The following ITPR2 variants were observed in gnomAD, a reference collection of about 807,000 sequenced individuals.
ITPR2 encodes inositol 1,4,5-trisphosphate-gated calcium channel ITPR2.
In ITPR2, 207 loss-of-function variants were observed where a neutral mutation model predicts 317.1. The observed-to-expected ratio is 0.65, with a 90% CI of 0.58 to 0.73. ITPR2 has a LOEUF of 0.73. Among genes scored for constraint, ITPR2 ranks in the 30% least tolerant of loss-of-function variants. The probability of loss-of-function intolerance (pLI) is 0.00; values close to 1 mark genes in which losing one functional copy is unlikely to be tolerated. For synonymous variants in ITPR2, 1,156 were observed against 1,149.1 expected, an observed-to-expected ratio of 1.01 and a Z score of -0.12; for missense variants, 2,613 against 3,284.0, an observed-to-expected ratio of 0.80 and a Z score of 4.99.
Position 26,622,307 on chromosome 12 carries a change from G to A in ITPR2, c.3221C>T (p.Ser1074Phe), listed in dbSNP as rs932760011. The change falls in exon 25 of 57, where the codon TCT becomes TTT. Residue 1074 changes from serine (S) to phenylalanine (F), a missense_variant. Around this residue, in one of 9 missense-constraint regions of ITPR2, gnomAD observed 817 missense variants for 897.6 expected, o/e 0.91. Transcript: ENST00000381340. Reference sequence around the variant, plus strand: ...CTTAAACAACAGCTGCAGGGCTCCAGACAGCAAAGGCGGGTAGTCGTGCAT... The same window carrying A: ...CTTAAACAACAGCTGCAGGGCTCCAAACAGCAAAGGCGGGTAGTCGTGCAT... ...LIMHDYPPLL[S>F]GALQLLFKHF... is the part of the protein sequence containing the mutation. 5 of 1,614,026 alleles carry A rather than the reference G, an allele frequency of 3.1e-6. No individual in the cohort carries two copies. The highest frequency in any genetic ancestry group is 1.7e-5 in the Admixed American group (1 of 60,022).
At chr12:26,603,416 G>T (rs1474396995) in intron 26 of ITPR2, among the ~76,000 whole-genome samples, 1 of 151,998 alleles carries the variant, frequency 6.6e-6, no homozygotes, top group Non-Finnish European at 1.5e-5. Flanking sequence ...TCAACTACTG[G>T]CGTCACCTTA....
intron 55 of ITPR2, among the ~76,000 whole-genome samples, chr12:26,358,022 G>A (rs930437756): frequency 1.3e-5 from 2 of 152,240 alleles, no homozygotes; most frequent in Non-Finnish European, 2.9e-5. Flanking sequence ...CCAGAAACCT[G>A]CAGCTATGTA....
chr12:26,439,688 C>T (rs979993008), intron 46 of ITPR2, among the ~76,000 whole-genome samples: 6 of 152,142 alleles, frequency 3.9e-5, no homozygotes, highest in Non-Finnish European at 7.4e-5. Context: ...AAACATAGCG[C>T]TTATGTTATT....
chr12:26,546,545 A>G (rs1324372545), intron 37 of ITPR2, among the ~76,000 whole-genome samples: 3 of 152,220 alleles, frequency 2.0e-5, no homozygotes, highest in African/African-American at 7.2e-5. Context: ...ATTCTTTTGG[A>G]AGAATCTTAA....
At chr12:26,695,674 G>GT in intron 9 of ITPR2, 24 bp from the exon 10 acceptor site, 1 of 1,561,842 alleles carries the variant, frequency 6.4e-7, no homozygotes, top group African/African-American at 1.4e-5. Flanking sequence ...GGAAAATTTA[G>GT]TTTTTCATTG....
chr12:26,633,555 G>A lies in ITPR2; in HGVS notation c.2741-1496C>T, dbSNP rs945747942. Among the ~76,000 whole-genome samples, 11 of 152,282 alleles carry A rather than the reference G, an allele frequency of 7.2e-5. No individual in the cohort carries two copies. In the East Asian group the frequency reaches 1.5e-3, roughly 21 times the overall value. ...ATATATAAGTGTAATTTCCAAGTTC[G>A]GACAAAATTGAGGCAAAAGGATTTG... On this transcript the variant is annotated intron_variant, in intron 21 of 56. Transcript: ENST00000381340.
Position 26,831,685 on chromosome 12 carries a change from TATATATATTCTACATAAAATATATAA to T in ITPR2, c.92+979_92+1004del, listed in dbSNP as rs1565794879. On this transcript the variant is annotated intron_variant, in intron 1 of 56. Transcript: ENST00000381340. This position sits in a 1 kb window ranked among gnomAD's most constrained non-coding sequence, Gnocchi z 4.9. Reference sequence around the variant, plus strand: ...GCACACTGTTTTATATATAAATATATATATATATTCTACATAAAATATATAAATATATATTCTACATAAAATATATA... The same window carrying T: ...GCACACTGTTTTATATATAAATATATATATATATTCTACATAAAATATATA... Among the ~76,000 whole-genome samples the T allele has an allele frequency of 7.1e-4, 103 of 144,234 alleles. No homozygotes were observed. Among genetic ancestry groups the T allele is most frequent in the Non-Finnish European group, 8.9e-4 (59 of 66,022 alleles). 94.6% of individuals were successfully genotyped at this position (144,234 alleles called of 152,430 possible). A position where few individuals can be genotyped will look rare whatever the true frequency, so the allele number is the denominator to read the frequency against.
intron 1 of ITPR2, among the ~76,000 whole-genome samples, chr12:26,819,334 A>G (rs1950904510): frequency 1.3e-5 from 2 of 152,214 alleles, no homozygotes; most frequent in Admixed American, 1.3e-4. Context: ...GCTTAAGGCA[A>G]AGCTCATTAC....
At position 26,556,385 on chromosome 12, in the gene ITPR2, G is replaced by A; in HGVS notation, c.4822-10C>T. ...AGGAGGCCACTACATCCTAGGGAAT[G>A]AAACACAAGAGAACCCACATGAAGG... is the stretch of plus-strand genomic sequence containing the variant. On this transcript the variant is annotated splice_polypyrimidine_tract_variant and intron_variant, in intron 35 of 56. Transcript: ENST00000381340. 1 of 1,606,792 alleles carries A rather than the reference G, an allele frequency of 6.2e-7. No homozygotes were observed. The highest frequency in any genetic ancestry group is 8.5e-7 in the Non-Finnish European group (1 of 1,177,998).
chr12:26,589,311 G>T (rs1242508775), intron 32 of ITPR2, among the ~76,000 whole-genome samples: 1 of 152,020 alleles, frequency 6.6e-6, no homozygotes, highest in Admixed American at 6.6e-5. Flanking sequence ...AACAAGATAA[G>T]AGACAAGGAA....
chr12:26,563,810 T>C (rs559502279), intron 34 of ITPR2, among the ~76,000 whole-genome samples: 2 of 152,266 alleles, frequency 1.3e-5, no homozygotes, highest in East Asian at 3.9e-4. Context: ...GCCCTGTCAT[T>C]TATACAAGAA....
At position 26,832,993 on chromosome 12, in the gene ITPR2, A is replaced by C; in HGVS notation, c.-212T>G. The C allele has an allele frequency of 1.9e-6, 1 of 514,252 alleles. No homozygotes were observed. The highest frequency in any genetic ancestry group is 3.4e-6 in the Non-Finnish European group (1 of 297,154). 31.9% of individuals were successfully genotyped at this position (514,252 alleles called of 1,614,324 possible). ...GACCGGGGCCAAGCCGCAGCTGCGG[A>C]CACCCCGCGAAGAGCGCAGCCCAGG... On this transcript the variant is annotated 5_prime_UTR_variant, in exon 1 of 57. Coordinates refer to ENST00000381340, the MANE Select transcript of ITPR2 (RefSeq NM_002223.4).
rs1431760769 is a variant in ITPR2 at position 26,772,731 on chromosome 12, C to A, written c.163+17426G>T. Among the ~76,000 whole-genome samples the A allele has an allele frequency of 2.0e-5, 3 of 149,724 alleles. No homozygotes were observed. In the Admixed American group the frequency reaches 2.0e-4, roughly 10 times the overall value. ...TAAATCTGCTAAATGTATCCAATAT[C>A]TTTTTTTTTCTTTTTCTTTTTTTAC... On this transcript the variant is annotated intron_variant, in intron 2 of 56. Coordinates refer to ENST00000381340, the MANE Select transcript of ITPR2 (RefSeq NM_002223.4).
At chr12:26,364,261 T>A (rs1440733970) in intron 55 of ITPR2, among the ~76,000 whole-genome samples, 1 of 152,226 alleles carries the variant, frequency 6.6e-6, no homozygotes, top group African/African-American at 2.4e-5. Context: ...TCAGGCAGAC[T>A]ATATTATTTA....
At chr12:26,345,827 C>T (rs1938290563) in intron 55 of ITPR2, among the ~76,000 whole-genome samples, 1 of 152,182 alleles carries the variant, frequency 6.6e-6, no homozygotes, top group South Asian at 2.1e-4. Context: ...GTTAACAGGA[C>T]ACCACTTCCT....
intron 21 of ITPR2, among the ~76,000 whole-genome samples, chr12:26,638,822 C>T (rs927960307): frequency 6.6e-6 from 1 of 152,198 alleles, no homozygotes; most frequent in African/African-American, 2.4e-5. Flanking sequence ...CAGGTTAAAT[C>T]CAACATGGTA....
intron 49 of ITPR2, chr12:26,421,551 A>G (rs1342628815): frequency 3.4e-5 from 4 of 118,712 alleles, no homozygotes; most frequent in African/African-American, 1.5e-4. Flanking sequence ...TTTTCCATGA[A>G]AGTTTGGAAT....
chr12:26,525,063 G>A (rs1254839448), intron 37 of ITPR2, among the ~76,000 whole-genome samples: 2 of 152,176 alleles, frequency 1.3e-5, no homozygotes, highest in Non-Finnish European at 2.9e-5. Context: ...CTAGTGATGA[G>A]CTGTGATATT....
At chr12:26,593,344 C>G (rs10506004) in intron 32 of ITPR2, among the ~76,000 whole-genome samples, 1 of 152,204 alleles carries the variant, frequency 6.6e-6, no homozygotes, top group African/African-American at 2.4e-5. Context: ...AACTGCTCAA[C>G]TGAACTGAAA....
Sources: allele counts gnomAD v4.1 joint callset (sites outside exome capture counted in the v4.1 genomes callset), GRCh38; gene constraint gnomAD v4.1.1; regional missense constraint gnomAD v4.1.1; non-coding constraint Gnocchi (gnomAD v3.1); transcripts MANE v1.5; gene names NCBI Gene and HGNC (gene_info 2026-07-23, HGNC 2026-07-21).